CCT8: variants seen among roughly 807,000 people sequenced by gnomAD.
CCT8 encodes the protein T-complex protein 1 subunit theta.
CCT8 carries 10 observed loss-of-function variants against 65.7 expected under a neutral mutation model. That is an observed-to-expected ratio of 0.15 (90% CI 0.09 to 0.26). CCT8 has a LOEUF of 0.26. CCT8 is among the 10% of genes least tolerant of loss of function. CCT8 has a pLI of 1.00. For missense variants in CCT8, 568 were observed against 669.1 expected, an observed-to-expected ratio of 0.85 and a Z score of 1.67; for synonymous variants, 199 against 221.8, an observed-to-expected ratio of 0.90 and a Z score of 0.92.
At chr21:29,066,829 G>C (rs1324899175) in intron 5 of CCT8, 52 bp from the exon 6 acceptor site, 13 of 1,576,356 alleles carry the variant, frequency 8.2e-6, no homozygotes, top group Non-Finnish European at 1.1e-5. Context: ...AACAGAGAAA[G>C]TATCTAGTCA....
chr21:29,067,439 G>C (rs1464484255), intron 4 of CCT8, 117 bp downstream of exon 4: 19 of 743,980 alleles, frequency 2.6e-5, no homozygotes, highest in Non-Finnish European at 3.7e-5. Flanking sequence ...GGCTGGTACA[G>C]AGCAAACTGC....
chr21:29,064,417 A>G (rs1207156280), intron 7 of CCT8, among the ~76,000 whole-genome samples: 13 of 148,800 alleles, frequency 8.7e-5, no homozygotes, highest in East Asian at 5.8e-4. Flanking sequence ...TCTAAAAAAA[A>G]AAAAAAAAAA....
chr21:29,061,319 A>G lies in CCT8; in HGVS notation c.1383T>C (p.Asn461=), dbSNP rs1218031524. ...ALAENSGVKA[N]EVISKLYAVH... ...CTGCATAAAGTTTAGAGATTACTTCATTGGCCTTAACTCCAGAGTTTTCTG... is the reference window on the plus strand; with the variant it reads ...CTGCATAAAGTTTAGAGATTACTTCGTTGGCCTTAACTCCAGAGTTTTCTG... Residue 461 remains asparagine (N), a synonymous_variant, in exon 13 of 15, where the codon AAT becomes AAC. Transcript: ENST00000286788. The G allele has an allele frequency of 4.3e-6, 7 of 1,613,850 alleles. No homozygotes were observed. The Admixed American group carries it at 1.2e-4, about 27-fold the overall frequency.
Position 29,066,963 on chromosome 21 carries a change from G to C in CCT8, c.490C>G (p.Leu164Val). ...LRDIDEVSSL[L>V]RTSIMSKQYG... is the part of the protein sequence containing the mutation. ...TGTTTACTCATTATGGAGGTACGAA[G>C]TAGAGATGAGACTTCATCAATATCT... The change falls in exon 5 of 15, where the codon CTT (leucine) becomes GTT (valine). Residue 164 changes from leucine to valine, a missense_variant. Leu to Val is a conservative substitution (Grantham distance 32, BLOSUM62 1). Transcript: ENST00000286788. 1 of 1,613,642 alleles carries C rather than the reference G, an allele frequency of 6.2e-7. No homozygotes were observed. Among genetic ancestry groups the C allele is most frequent in the Non-Finnish European group, 8.5e-7 (1 of 1,179,664 alleles).
rs1166460149 is a variant in CCT8 at position 29,062,328 on chromosome 21, C to A, written c.1096G>T (p.Glu366Ter). Residue 366 changes from glutamate to a stop codon, truncating the protein, a stop_gained and splice_region_variant, in exon 10 of 15, where the codon GAA becomes TAA. Coordinates refer to ENST00000286788, the MANE Select transcript of CCT8 (RefSeq NM_006585.4). LOFTEE classifies it high-confidence loss of function. ...GDTQVVVFKH[E>*]KEDGAISTIV... ...AACATGTTTTACCATTCCTACATAC[C>A]ATGCTTAAAAACCACCACCTGAGTA... The A allele has an allele frequency of 6.2e-7, 1 of 1,612,264 alleles. No individual in the cohort carries two copies. The highest frequency in any genetic ancestry group is 1.1e-5 in the South Asian group (1 of 91,054).
chr21:29,062,080 C>T, intron 11 of CCT8, 48 bp downstream of exon 11: 1 of 1,256,114 alleles, frequency 8.0e-7, no homozygotes, highest in Non-Finnish European at 1.2e-6. Flanking sequence ...TAAGACCATA[C>T]AAATTACTCA....
intron 8 of CCT8, 146 bp from the exon 9 acceptor site, chr21:29,062,702 A>G: frequency 1.5e-6 from 1 of 667,582 alleles, no homozygotes; most frequent in Non-Finnish European, 2.5e-6. Flanking sequence ...CTGGATTGCA[A>G]TGAACACTAA....
chr21:29,069,357 T>A, intron 3 of CCT8, 66 bp downstream of exon 3: 1 of 832,922 alleles, frequency 1.2e-6, no homozygotes, highest in East Asian at 2.7e-5. Context: ...AGATTTCTTC[T>A]AGTTAAAATC....
chr21:29,071,058 C>G (rs2085674634), intron 1 of CCT8, among the ~76,000 whole-genome samples: 1 of 152,164 alleles, frequency 6.6e-6, no homozygotes, highest in Non-Finnish European at 1.5e-5. Flanking sequence ...TTGAGGTTTA[C>G]TTGGGTCCTC....
intron 1 of CCT8, among the ~76,000 whole-genome samples, chr21:29,071,577 TGA>T (rs1203030136): frequency 2.0e-5 from 3 of 152,000 alleles, no homozygotes; most frequent in African/African-American, 7.2e-5. Flanking sequence ...TGTATTTTTT[TGA>T]GAGGCGGAGT....
At position 29,067,101 on chromosome 21, in the gene CCT8, A is replaced by T. The variant is rs1254107354; in HGVS notation, c.382-30T>A. 23 of 1,545,724 alleles carry T rather than the reference A, an allele frequency of 1.5e-5. No homozygotes were observed. The South Asian group carries it at 2.6e-4, about 18-fold the overall frequency. On this transcript the variant is annotated intron_variant, in intron 4 of 14. Transcript: ENST00000286788. ...AACATAAACAACATTTCCTATTCTG[A>T]CATGACTTAAAGTAGCTTATTTTGG...
At chr21:29,059,706 A>ATTT (rs1237707038) in intron 14 of CCT8, 2 of 152,302 alleles carry the variant, frequency 1.3e-5, no homozygotes, top group East Asian at 3.9e-4. Context: ...GTTTCTGCTT[A>ATTT]TTTTCAATGA....
At chr21:29,073,052 G>A (rs1242923802) in intron 1 of CCT8, among the ~76,000 whole-genome samples, 1 of 152,216 alleles carries the variant, frequency 6.6e-6, no homozygotes, top group African/African-American at 2.4e-5. Context: ...TCACTGGGAA[G>A]CAAGCAACCA....
intron 1 of CCT8, chr21:29,072,006 G>GT (rs2085685841): frequency 4.4e-6 from 3 of 676,476 alleles, no homozygotes; most frequent in Non-Finnish European, 5.3e-6. Context: ...TGTTGTTGTT[G>GT]TTTTAAAAAA....
chr21:29,066,743 A>C lies in CCT8; in HGVS notation c.597T>G (p.Val199=). Residue 199 remains valine (V), a synonymous_variant, in exon 6 of 15, where the codon GTT becomes GTG. Transcript: ENST00000286788. The part of the protein sequence containing the change: ...SIFPDSGHFN[V]DNIRVCKILG... ...GAATTTTACAAACTCTGATGTTATC[A>C]ACATTGAAATGGCCGGAATCAGGAA... is the stretch of plus-strand genomic sequence containing the variant. The C allele has an allele frequency of 6.2e-7, 1 of 1,609,550 alleles. No homozygotes were observed. The highest frequency in any genetic ancestry group is 8.5e-7 in the Non-Finnish European group (1 of 1,177,628).
chr21:29,065,244 T>G, intron 6 of CCT8, 139 bp from the exon 7 acceptor site: 1 of 803,944 alleles, frequency 1.2e-6, no homozygotes, highest in Non-Finnish European at 2.0e-6. Flanking sequence ...GGATAAGGGG[T>G]GGAGTGGTGG....
At chr21:29,060,440 C>G (rs1049404392) in intron 14 of CCT8, 101 bp downstream of exon 14, 1 of 1,230,546 alleles carries the variant, frequency 8.1e-7, no homozygotes, top group Non-Finnish European at 1.1e-6. Flanking sequence ...GACTAAGAAT[C>G]CTTTGAATTA....
intron 14 of CCT8, among the ~76,000 whole-genome samples, chr21:29,057,707 ATAAT>A (rs964507156): frequency 9.6e-5 from 8 of 83,642 alleles, no homozygotes; most frequent in East Asian, 5.4e-4. Context: ...TATATCATAT[ATAAT>A]ATATATCATA....
chr21:29,069,113 C>T (rs1213193149), intron 3 of CCT8, among the ~76,000 whole-genome samples: 1 of 152,136 alleles, frequency 6.6e-6, no homozygotes, highest in Non-Finnish European at 1.5e-5. Flanking sequence ...CGTTTTTGCA[C>T]TGTGGAATAA....
Sources: gnomAD v4.1 joint callset for allele counts (sites outside exome capture counted in the v4.1 genomes callset) on GRCh38, gnomAD v4.1.1 for gene constraint, MANE v1.5 for transcripts, NCBI Gene and HGNC (gene_info 2026-07-23, HGNC 2026-07-21) for gene names.